NAALADL2: variants seen among roughly 807,000 people sequenced by gnomAD.
NAALADL2 encodes inactive N-acetylated-alpha-linked acidic dipeptidase-like protein 2.
NAALADL2 carries 76 observed loss-of-function variants against 87.2 expected under a neutral mutation model. The observed-to-expected ratio is 0.87, with a 90% CI of 0.72 to 1.05. NAALADL2 has a LOEUF of 1.05. Ranked by LOEUF, NAALADL2 falls within the 50% of genes least tolerant of loss-of-function variation. The probability of loss-of-function intolerance (pLI) is 0.00; values close to 1 mark genes in which losing one functional copy is unlikely to be tolerated. For synonymous variants in NAALADL2, 354 were observed against 331.0 expected, an observed-to-expected ratio of 1.07 and a Z score of -0.75; for missense variants, 1,089 against 945.8, an observed-to-expected ratio of 1.15 and a Z score of -1.99.
At chr3:174,476,571 G>T (rs752994345) in intron 1 of NAALADL2, among the ~76,000 whole-genome samples, 12 of 151,768 alleles carry the variant, frequency 7.9e-5, no homozygotes, top group Non-Finnish European at 1.5e-4. Context: ...TTTTTCCTAA[G>T]TATATGTAAA....
At chr3:175,220,409 A>T (rs946093834) in intron 2 of NAALADL2, among the ~76,000 whole-genome samples, 4 of 151,720 alleles carry the variant, frequency 2.6e-5, no homozygotes, top group African/African-American at 9.7e-5. Context: ...GAATATTTAG[A>T]TTTTCTTTTG....
intron 1 of NAALADL2, among the ~76,000 whole-genome samples, chr3:174,887,402 G>A (rs1015609563): frequency 6.6e-6 from 1 of 151,966 alleles, no homozygotes; most frequent in African/African-American, 2.4e-5. Flanking sequence ...TATATGTTCT[G>A]TTTATTAGTA....
chr3:175,046,886 C>A (rs1754746049), intron 1 of NAALADL2, among the ~76,000 whole-genome samples: 1 of 152,098 alleles, frequency 6.6e-6, no homozygotes. Context: ...TACACAATAC[C>A]ATAGAGTGAG....
intron 2 of NAALADL2, among the ~76,000 whole-genome samples, chr3:174,644,834 A>G (rs1379888940): frequency 6.6e-6 from 1 of 152,228 alleles, no homozygotes; most frequent in African/African-American, 2.4e-5. Flanking sequence ...TAGAACAAAC[A>G]TCATTTGTAA....
intron 1 of NAALADL2, among the ~76,000 whole-genome samples, chr3:174,860,546 A>G (rs1383748553): frequency 1.3e-5 from 2 of 152,128 alleles, no homozygotes; most frequent in Non-Finnish European, 2.9e-5. Flanking sequence ...TTTGTCTCTA[A>G]TATTTTTCAT....
intron 5 of NAALADL2, among the ~76,000 whole-genome samples, chr3:175,418,671 A>G (rs1428013184): frequency 6.6e-6 from 1 of 152,098 alleles, no homozygotes; most frequent in Non-Finnish European, 1.5e-5. Flanking sequence ...TAATAGCCTA[A>G]TTGGTATTGG....
At chr3:174,599,748 C>T (rs1484559850) in intron 2 of NAALADL2, among the ~76,000 whole-genome samples, 1 of 152,108 alleles carries the variant, frequency 6.6e-6, no homozygotes. Context: ...CCTTCCCCTG[C>T]CGTAAAACAG....
chr3:175,342,244 T>A lies in NAALADL2; in HGVS notation c.1090+17919T>A, dbSNP rs181469562. ...AAAATATATATGAAGTCTATACATG[T>A]GATAGGTTTCAGATAAGAAGCTACA... is the stretch of plus-strand genomic sequence containing the variant. On this transcript the variant is annotated intron_variant, in intron 5 of 13. Coordinates refer to ENST00000454872, the MANE Select transcript of NAALADL2 (RefSeq NM_207015.3). Among the ~76,000 whole-genome samples the A allele has an allele frequency of 2.6e-3, 394 of 152,200 alleles. 2 individuals are homozygous for A. The highest frequency in any genetic ancestry group is 3.6e-3 in the Non-Finnish European group (247 of 67,974).
At chr3:175,037,796 G>A (rs1333439691) in intron 1 of NAALADL2, among the ~76,000 whole-genome samples, 1 of 152,106 alleles carries the variant, frequency 6.6e-6, no homozygotes, top group East Asian at 1.9e-4. Flanking sequence ...ATGTTTGTGT[G>A]AGTCTACAAA....
chr3:175,348,775 T>C (rs1763426826), intron 5 of NAALADL2, among the ~76,000 whole-genome samples: 1 of 152,194 alleles, frequency 6.6e-6, no homozygotes, highest in South Asian at 2.1e-4. Flanking sequence ...AAAGACTCTT[T>C]TTCTTAAGAG....
At chr3:175,786,380 C>T (rs1356656057) in intron 13 of NAALADL2, among the ~76,000 whole-genome samples, 1 of 152,220 alleles carries the variant, frequency 6.6e-6, no homozygotes. Flanking sequence ...TCCCATACTT[C>T]TTGGAGGCTT....
intron 4 of NAALADL2, among the ~76,000 whole-genome samples, chr3:175,262,575 A>AGTGTGTGTGTGTGTGTGT (rs71164625): frequency 2.0e-4 from 30 of 147,122 alleles, no homozygotes; most frequent in African/African-American, 6.8e-4. Context: ...ATGTTGTGTG[A>AGTGTGTGTGTGTGTGTGT]GTGTGTGTGT....
At chr3:174,724,677 TTGATTA>T (rs141379979) in intron 2 of NAALADL2, among the ~76,000 whole-genome samples, 2,151 of 152,268 alleles carry the variant, frequency 0.014, 60 homozygotes, top group African/African-American at 0.05. Context: ...CATATACTTA[TTGATTA>T]TATTTTATTT....
intron 1 of NAALADL2, among the ~76,000 whole-genome samples, chr3:175,085,012 A>C (rs146181452): frequency 5.3e-5 from 8 of 152,150 alleles, no homozygotes; most frequent in Non-Finnish European, 7.4e-5. Flanking sequence ...GATGGAGCCT[A>C]TGGGAAAAGG....
chr3:175,535,763 G>T (rs1443663763), intron 9 of NAALADL2, among the ~76,000 whole-genome samples: 1 of 152,126 alleles, frequency 6.6e-6, no homozygotes, highest in African/African-American at 2.4e-5. Context: ...TCTCAAGTTG[G>T]AAACCTGATA....
Position 175,742,300 on chromosome 3 carries a change from G to A in NAALADL2, c.1990+4901G>A, listed in dbSNP as rs185242492. On this transcript the variant is annotated intron_variant, in intron 12 of 13. Transcript: ENST00000454872. ...AGTTCTCAGCTTGACTTTCCCCTTT[G>A]GCTTAGTGATTTGAAGGTCCCGAGA... is the stretch of plus-strand genomic sequence containing the variant. Among the ~76,000 whole-genome samples the A allele has an allele frequency of 2.6e-5, 4 of 152,256 alleles. No individual in the cohort carries two copies. The East Asian group carries it at 7.7e-4, about 29-fold the overall frequency.
At chr3:174,781,783 A>C (rs482248) in intron 3 of NAALADL2, among the ~76,000 whole-genome samples, 40,167 of 151,864 alleles carry the variant, frequency 0.26, 5,786 homozygotes, top group Middle Eastern at 0.33. Flanking sequence ...ATGATTTTGT[A>C]GAGGAGTAAT....
intron 11 of NAALADL2, among the ~76,000 whole-genome samples, chr3:175,706,695 C>T (rs543505906): frequency 6.6e-6 from 1 of 152,114 alleles, no homozygotes; most frequent in Non-Finnish European, 1.5e-5. Context: ...AATTCTAGAA[C>T]ACATTGATAC....
chr3:174,505,327 T>G (rs1020954545), intron 1 of NAALADL2, among the ~76,000 whole-genome samples: 1 of 152,164 alleles, frequency 6.6e-6, no homozygotes, highest in Non-Finnish European at 1.5e-5. Context: ...CAAAAAAATT[T>G]CCTGACCAAT....
Sources: gnomAD v4.1 joint callset for allele counts (sites outside exome capture counted in the v4.1 genomes callset) on GRCh38, gnomAD v4.1.1 for gene constraint, MANE v1.5 for transcripts, NCBI Gene and HGNC (gene_info 2026-07-23, HGNC 2026-07-21) for gene names.